Variants in DPYSL2 observed in about 807,000 individuals in gnomAD.
The protein encoded by DPYSL2 is dihydropyrimidinase like 2.
A neutral mutation model predicts 69.9 loss-of-function variants in DPYSL2; 13 were observed. The ratio of observed to expected loss-of-function variants is 0.19; its 90% CI spans 0.12 to 0.30. The LOEUF (loss-of-function observed/expected upper bound fraction) is 0.30, where lower values mean the gene tolerates loss of function less well. Among genes scored for constraint, DPYSL2 ranks in the 10% least tolerant of loss-of-function variants. The pLI is 1.00. For missense variants in DPYSL2, 587 were observed against 918.9 expected, an observed-to-expected ratio of 0.64 and a Z score of 4.67; for synonymous variants, 326 against 359.1, an observed-to-expected ratio of 0.91 and a Z score of 1.04.
At chr8:26,611,633 T>G (rs1306938504) in intron 3 of DPYSL2, among the ~76,000 whole-genome samples, 2 of 152,226 alleles carry the variant, frequency 1.3e-5, no homozygotes, top group African/African-American at 2.4e-5. Flanking sequence ...CGCCCCACAC[T>G]GAGCCAAGGA....
chr8:26,514,137 G>A lies in DPYSL2; in HGVS notation c.-189G>A. On this transcript the variant is annotated 5_prime_UTR_variant, in exon 1 of 14. Transcript: ENST00000521913. This position sits in a 1 kb window ranked among gnomAD's most constrained non-coding sequence, Gnocchi z 8.4. Reference sequence around the variant, plus strand: ...GGCGTGGGCAGGGAGGGGAGAAGCGGGGTCAGGGGGAGGGACCGGGAGGGT... The same window carrying A: ...GGCGTGGGCAGGGAGGGGAGAAGCGAGGTCAGGGGGAGGGACCGGGAGGGT... The A allele has an allele frequency of 2.3e-6, 1 of 431,608 alleles. No homozygotes were observed. Among genetic ancestry groups the A allele is most frequent in the South Asian group, 7.6e-5 (1 of 13,116 alleles). The allele number at this position is 431,608 out of a possible 1,614,324, so 26.7% of individuals were successfully genotyped here.
At chr8:26,638,753 A>G (rs1176853893) in intron 8 of DPYSL2, among the ~76,000 whole-genome samples, 1 of 152,258 alleles carries the variant, frequency 6.6e-6, no homozygotes, top group African/African-American at 2.4e-5. Flanking sequence ...TCATGGAAGA[A>G]GTAGAAATGC....
intron 7 of DPYSL2, among the ~76,000 whole-genome samples, chr8:26,632,690 AG>A (rs1162653477): frequency 2.8e-4 from 43 of 152,326 alleles, no homozygotes; most frequent in Middle Eastern, 3.4e-3. Context: ...TAAATGGAGT[AG>A]TCACCTGTAT....
rs894890136 is a variant in DPYSL2 at position 26,641,174 on chromosome 8, C to T, written c.1127-2265C>T. On this transcript the variant is annotated intron_variant, in intron 8 of 13. Coordinates refer to ENST00000521913, the MANE Select transcript of DPYSL2 (RefSeq NM_001197293.3). The surrounding 1 kb of genome is among the most constrained non-coding windows in gnomAD (Gnocchi z 4.1). ...GCAGGCACAGGGAGAGGATGAGCGT[C>T]GGCAAGTTACAGGAAACTCAGGAAA... Among the ~76,000 whole-genome samples the T allele has an allele frequency of 2.0e-5, 3 of 152,218 alleles. No individual in the cohort carries two copies. Among genetic ancestry groups the T allele is most frequent in the East Asian group, 3.8e-4 (2 of 5,198 alleles).
At position 26,598,337 on chromosome 8, in the gene DPYSL2, G is replaced by T. The variant is rs1801912955; in HGVS notation, c.628+14354G>T. ...AAAATGGTCAGCATTGCTATGAAATGGTTTATTTTTTTGTGGATGTTTTAG... is the reference window on the plus strand; with the variant it reads ...AAAATGGTCAGCATTGCTATGAAATTGTTTATTTTTTTGTGGATGTTTTAG... On this transcript the variant is annotated intron_variant, in intron 3 of 13. Transcript: ENST00000521913. This position sits in a 1 kb window ranked among gnomAD's most constrained non-coding sequence, Gnocchi z 4.2. Among the ~76,000 whole-genome samples the T allele has an allele frequency of 6.6e-6, 1 of 152,180 alleles. No individual in the cohort carries two copies. Among genetic ancestry groups the T allele is most frequent in the Non-Finnish European group, 1.5e-5 (1 of 68,034 alleles).
At chr8:26,606,471 C>CCA (rs35226523) in intron 3 of DPYSL2, among the ~76,000 whole-genome samples, 2 of 151,716 alleles carry the variant, frequency 1.3e-5, no homozygotes, top group Non-Finnish European at 2.9e-5. Flanking sequence ...AAAAGGATAA[C>CCA]GAAGTAGGAC....
At chr8:26,568,767 G>A (rs557803755) in intron 1 of DPYSL2, among the ~76,000 whole-genome samples, 181 of 152,180 alleles carry the variant, frequency 1.2e-3, no homozygotes, top group Non-Finnish European at 2.2e-3. Flanking sequence ...TTCCTTGGCC[G>A]TTTTCAGAAT....
chr8:26,590,374 T>G (rs1801697965), intron 3 of DPYSL2, among the ~76,000 whole-genome samples: 1 of 152,232 alleles, frequency 6.6e-6, no homozygotes, highest in South Asian at 2.1e-4. Context: ...ACGGGTGCCC[T>G]CTGCAAGCAG....
rs1452499503 is a variant in DPYSL2 at position 26,514,533 on chromosome 8, G to C, written c.208G>C (p.Asp70His). ...GGGGCAGGTGGTGGCTCAGCAGCGG[G>C]ACGTCGCCCACTTGGGCCCGGACCC... ...GSGQVVAQQR[D>H]VAHLGPDPQP... Residue 70 changes from aspartate to histidine, a missense_variant, in exon 1 of 14, where the codon GAC becomes CAC. Physicochemically the swap from Asp to His is moderately conservative, Grantham distance 81. Coordinates refer to ENST00000521913, the MANE Select transcript of DPYSL2 (RefSeq NM_001197293.3). This position sits in a 1 kb window ranked among gnomAD's most constrained non-coding sequence, Gnocchi z 8.4. 1 of 1,530,062 alleles carries C rather than the reference G, an allele frequency of 6.5e-7. No individual in the cohort carries two copies. Among genetic ancestry groups the C allele is most frequent in the Non-Finnish European group, 8.7e-7 (1 of 1,144,660 alleles). The allele number at this position is 1,530,062 out of a possible 1,614,324, so 94.8% of individuals were successfully genotyped here. A position where few individuals can be genotyped will look rare whatever the true frequency, so the allele number is the denominator to read the frequency against.
intron 8 of DPYSL2, among the ~76,000 whole-genome samples, chr8:26,636,358 T>C (rs534955993): frequency 6.6e-6 from 1 of 152,196 alleles, no homozygotes; most frequent in South Asian, 2.1e-4. Context: ...CCCCACGTAG[T>C]GTGGGGATGG....
chr8:26,554,435 G>A (rs570803250), intron 1 of DPYSL2, among the ~76,000 whole-genome samples: 1 of 151,668 alleles, frequency 6.6e-6, no homozygotes, highest in African/African-American at 2.4e-5. Flanking sequence ...CAGATGCGTA[G>A]TTTGCAAATA....
In DPYSL2 at chr8:26,620,615, T is replaced by G. The variant is rs1008912037; in HGVS notation, c.629-3528T>G. On this transcript the variant is annotated intron_variant, in intron 3 of 13. Transcript: ENST00000521913. This position sits in a 1 kb window ranked among gnomAD's most constrained non-coding sequence, Gnocchi z 4.5. Reference sequence around the variant, plus strand: ...GTATTGTCTCTCTGTAAAGTATGAGTGAATTTAAAACATTATTAGATATGT... The same window carrying G: ...GTATTGTCTCTCTGTAAAGTATGAGGGAATTTAAAACATTATTAGATATGT... Among the ~76,000 whole-genome samples, 2 of 152,104 alleles carry G rather than the reference T, an allele frequency of 1.3e-5. No homozygotes were observed. Among genetic ancestry groups the G allele is most frequent in the African/African-American group, 4.8e-5 (2 of 41,410 alleles).
chr8:26,551,265 A>T (rs2117636374), intron 1 of DPYSL2, among the ~76,000 whole-genome samples: 1 of 152,332 alleles, frequency 6.6e-6, no homozygotes, highest in East Asian at 1.9e-4. Context: ...AACAGAAATC[A>T]AAGGAAAGTT....
intron 1 of DPYSL2, among the ~76,000 whole-genome samples, chr8:26,563,212 C>G (rs1441854652): frequency 1.3e-5 from 2 of 152,186 alleles, no homozygotes; most frequent in African/African-American, 4.8e-5. Context: ...ATCACTCTCT[C>G]TTGCTCACAG....
In DPYSL2 at chr8:26,624,182, C is replaced by T. The variant is rs768465354; in HGVS notation, c.668C>T (p.Ala223Val). Residue 223 changes from alanine to valine, a missense_variant, in exon 4 of 14, where the codon GCT becomes GTT. Transcript: ENST00000521913. This position sits in a 1 kb window ranked among gnomAD's most constrained non-coding sequence, Gnocchi z 4.7. ...CCTGAGCCTGGGACAAGCCTGCTCGCTGCCTTTGACCAGTGGAGGGAATGG... is the reference window on the plus strand; with the variant it reads ...CCTGAGCCTGGGACAAGCCTGCTCGTTGCCTTTGACCAGTGGAGGGAATGG... ...VVPEPGTSLLAAFDQWREWAD... is the reference protein window; with the variant it reads ...VVPEPGTSLLVAFDQWREWAD... The T allele has an allele frequency of 6.2e-7, 1 of 1,614,200 alleles. No individual in the cohort carries two copies. Among genetic ancestry groups the T allele is most frequent in the Non-Finnish European group, 8.5e-7 (1 of 1,180,046 alleles).
At position 26,514,837 on chromosome 8, in the gene DPYSL2, G is replaced by A. The variant is rs1019857630; in HGVS notation, c.354+158G>A. Among the ~76,000 whole-genome samples, 1 of 152,158 alleles carries A rather than the reference G, an allele frequency of 6.6e-6. No individual in the cohort carries two copies. Among genetic ancestry groups the A allele is most frequent in the Non-Finnish European group, 1.5e-5 (1 of 68,016 alleles). Reference sequence around the variant, plus strand: ...CCCTACCCGCCCCTTCTCCGCGCAGGGTGCGGCGAGGCTCGGGCTGGGCGG... The same window carrying A: ...CCCTACCCGCCCCTTCTCCGCGCAGAGTGCGGCGAGGCTCGGGCTGGGCGG... On this transcript the variant is annotated intron_variant, in intron 1 of 13. Coordinates refer to ENST00000521913, the MANE Select transcript of DPYSL2 (RefSeq NM_001197293.3). This position sits in a 1 kb window ranked among gnomAD's most constrained non-coding sequence, Gnocchi z 8.4.
chr8:26,523,225 G>A (rs1241399636), intron 1 of DPYSL2, among the ~76,000 whole-genome samples: 2 of 151,968 alleles, frequency 1.3e-5, no homozygotes, highest in African/African-American at 4.8e-5. Flanking sequence ...GAGTGGCAGG[G>A]ATGGTGTTGA....
At chr8:26,539,112 T>C (rs1191112204) in intron 1 of DPYSL2, among the ~76,000 whole-genome samples, 1 of 152,266 alleles carries the variant, frequency 6.6e-6, no homozygotes, top group Non-Finnish European at 1.5e-5. Flanking sequence ...TGTTTCTGCA[T>C]TAAATTGCTT....
chr8:26,581,498 G>T (rs749098081), intron 1 of DPYSL2, among the ~76,000 whole-genome samples: 2 of 151,272 alleles, frequency 1.3e-5, no homozygotes, highest in African/African-American at 2.4e-5. Context: ...TCAGCCTCCC[G>T]AGTAGCTGGG....
Sources: gnomAD v4.1 joint callset for allele counts (sites outside exome capture counted in the v4.1 genomes callset) on GRCh38, gnomAD v4.1.1 for gene constraint, Gnocchi (gnomAD v3.1) non-coding constraint, MANE v1.5 for transcripts, NCBI Gene and HGNC (gene_info 2026-07-23, HGNC 2026-07-21) for gene names.